Variants in NTRK3 observed in about 807,000 individuals in gnomAD.
The protein encoded by NTRK3 is NT-3 growth factor receptor.
Under a neutral mutation model 91.7 loss-of-function variants are expected in NTRK3, and 24 were observed. The ratio of observed to expected loss-of-function variants is 0.26; its 90% confidence interval spans 0.19 to 0.37. NTRK3 has a LOEUF of 0.37. Ranked by LOEUF, NTRK3 falls within the 10% of genes least tolerant of loss-of-function variation. The pLI, the probability that NTRK3 is intolerant of heterozygous loss-of-function variation, is 1.00. For synonymous variants in NTRK3, 483 were observed against 404.0 expected (o/e 1.20, Z -2.34); for missense variants, 880 against 1,068.9 (o/e 0.82, Z 2.46).
At chr15:88,107,438 G>A (rs890849258) in intron 13 of NTRK3, among the ~76,000 whole-genome samples, 10 of 152,164 alleles carry the variant, frequency 6.6e-5, no homozygotes, top group South Asian at 2.1e-4. Flanking sequence ...GTGAAACCAC[G>A]TCTCAAAAAG....
In NTRK3 at chr15:87,981,775, C is replaced by G. The variant is rs150904783; in HGVS notation, c.1586-41022G>C. 2.9e-3 allele frequency among the ~76,000 whole-genome samples: 446 copies of G among 152,214 alleles called. 1 individual carries two copies. The highest frequency in any genetic ancestry group is 9.9e-3 in the African/African-American group (411 of 41,532). ...TGGGAGATAATCCTGGACCCAAGAC[C>G]CTCTTTCTGGCTTCTAATATCCCAT... On this transcript the variant is annotated intron_variant, in intron 14 of 18. Transcript: ENST00000394480.
exon 11 of NTRK3, chr15:88,128,716 A>G: frequency 6.2e-7 from 1 of 1,614,128 alleles, no homozygotes; most frequent in Non-Finnish European, 8.5e-7. Flanking sequence ...CTTACACAAG[A>G]TAAAGTTATC....
chr15:88,009,092 G>C (rs2076692402), intron 14 of NTRK3, among the ~76,000 whole-genome samples: 2 of 152,170 alleles, frequency 1.3e-5, no homozygotes, highest in African/African-American at 4.8e-5. Context: ...GTCATTGTCT[G>C]CATGTTTTTG....
chr15:88,046,864 G>A (rs144030285), intron 13 of NTRK3, among the ~76,000 whole-genome samples: 2 of 152,292 alleles, frequency 1.3e-5, no homozygotes, highest in East Asian at 1.9e-4. Context: ...ACAGAGGGTC[G>A]ATTGATTTTC....
At chr15:87,909,085 T>A (rs1194320997) in intron 17 of NTRK3, among the ~76,000 whole-genome samples, 1 of 152,110 alleles carries the variant, frequency 6.6e-6, no homozygotes, top group African/African-American at 2.4e-5. Context: ...TCACCACTGC[T>A]TTTAGGGCTA....
intron 14 of NTRK3, among the ~76,000 whole-genome samples, chr15:88,016,030 A>G (rs531777569): frequency 1.3e-5 from 2 of 151,922 alleles, no homozygotes; most frequent in East Asian, 1.9e-4. Context: ...TGTGTGCTAT[A>G]CATGTCCATG....
chr15:88,168,475 T>G (rs2045200112), intron 5 of NTRK3, among the ~76,000 whole-genome samples: 3 of 152,262 alleles, frequency 2.0e-5, no homozygotes, highest in African/African-American at 7.2e-5. Context: ...AAGCTTTATT[T>G]AAGGCCATGT....
chr15:87,995,884 G>T (rs949859464), intron 14 of NTRK3, among the ~76,000 whole-genome samples: 16 of 152,176 alleles, frequency 1.1e-4, no homozygotes, highest in Admixed American at 9.8e-4. Flanking sequence ...ATTGAAATTT[G>T]AATTTCATAT....
intron 17 of NTRK3, among the ~76,000 whole-genome samples, chr15:87,889,457 T>G (rs2141554759): frequency 7.2e-6 from 1 of 139,652 alleles, no homozygotes; most frequent in Admixed American, 7.7e-5. Context: ...CAGGCTGGAG[T>G]GCAGTGGCAG....
At chr15:88,114,971 A>G (rs1240466376) in intron 13 of NTRK3, among the ~76,000 whole-genome samples, 3 of 152,212 alleles carry the variant, frequency 2.0e-5, no homozygotes, top group African/African-American at 7.2e-5. Flanking sequence ...TTATTTATCA[A>G]GTTTACTCTG....
In NTRK3 at chr15:88,060,886, C is replaced by T. The variant is rs1412361658; in HGVS notation, c.1397-27841G>A. On this transcript the variant is annotated intron_variant, in intron 13 of 18. Coordinates refer to ENST00000394480, the Ensembl canonical transcript of NTRK3. ...CATCTTAAATTTACTATCAATATATCCCCAAATTTCAAAGTGGGTTATTTT... is the reference window on the plus strand; with the variant it reads ...CATCTTAAATTTACTATCAATATATTCCCAAATTTCAAAGTGGGTTATTTT... Among the ~76,000 whole-genome samples the T allele has an allele frequency of 2.0e-5, 3 of 152,066 alleles. No individual in the cohort carries two copies. The East Asian group carries it at 5.8e-4, about 29-fold the overall frequency.
intron 14 of NTRK3, among the ~76,000 whole-genome samples, chr15:87,945,758 C>CA (rs1289976905): frequency 1.4e-4 from 13 of 95,248 alleles, no homozygotes; most frequent in African/African-American, 4.2e-4. Context: ...GAAGAGGGAA[C>CA]AAAAAATCTG....
At chr15:87,943,341 G>A (rs556209843) in intron 14 of NTRK3, among the ~76,000 whole-genome samples, 12 of 152,110 alleles carry the variant, frequency 7.9e-5, no homozygotes, top group Admixed American at 2.0e-4. Context: ...AAGGTGAGAC[G>A]TCCTGGGCTT....
chr15:87,927,225 C>T (rs892689450), intron 17 of NTRK3: 3 of 152,240 alleles, frequency 2.0e-5, no homozygotes, highest in Admixed American at 2.0e-4. Context: ...TATATTCTCT[C>T]ACAACGGTAC....
intron 14 of NTRK3, among the ~76,000 whole-genome samples, chr15:87,941,834 C>G (rs2069894537): frequency 6.6e-6 from 1 of 152,234 alleles, no homozygotes; most frequent in Non-Finnish European, 1.5e-5. Flanking sequence ...AAGCAGTGGG[C>G]TGGCGATGAA....
intron 14 of NTRK3, among the ~76,000 whole-genome samples, chr15:88,000,413 T>C (rs891863043): frequency 1.3e-5 from 2 of 152,144 alleles, no homozygotes; most frequent in Non-Finnish European, 2.9e-5. Flanking sequence ...TTTATGGAAA[T>C]ATAATTCACA....
chr15:88,240,303 G>A lies in NTRK3; in HGVS notation c.248+15603C>T, dbSNP rs923803161. ...AATATAAGAAAACTGAGACCTTAGA[G>A]ACAACAATGCCCGATCCCGACACAC... is the stretch of plus-strand genomic sequence containing the variant. On this transcript the variant is annotated intron_variant, in intron 3 of 18. Transcript: ENST00000394480. The surrounding 1 kb of genome is among the most constrained non-coding windows in gnomAD (Gnocchi z 4.9). Among the ~76,000 whole-genome samples the A allele has an allele frequency of 2.0e-5, 3 of 152,138 alleles. No homozygotes were observed. Among genetic ancestry groups the A allele is most frequent in the Admixed American group, 2.0e-4 (3 of 15,280 alleles).
intron 13 of NTRK3, among the ~76,000 whole-genome samples, chr15:88,075,869 G>A (rs2047499501): frequency 6.6e-6 from 1 of 152,070 alleles, no homozygotes; most frequent in African/African-American, 2.4e-5. Context: ...CAGCTTCCTT[G>A]GGCTTCAGTT....
At chr15:88,203,600 G>A (rs1165770852) in intron 3 of NTRK3, among the ~76,000 whole-genome samples, 3 of 152,160 alleles carry the variant, frequency 2.0e-5, no homozygotes, top group African/African-American at 7.2e-5. Flanking sequence ...ACAGTTAGAT[G>A]GAAGAAATAA....
Sources: allele counts gnomAD v4.1 joint callset (sites outside exome capture counted in the v4.1 genomes callset), GRCh38; gene constraint gnomAD v4.1.1; non-coding constraint Gnocchi (gnomAD v3.1); transcripts MANE v1.5; gene names NCBI Gene and HGNC (gene_info 2026-07-23, HGNC 2026-07-21).